Variants in CACHD1 observed in about 807,000 individuals in gnomAD.
CACHD1 encodes the protein cache domain containing 1, also known as VWFA and cache domain-containing protein 1.
Under a neutral mutation model 138.7 loss-of-function variants are expected in CACHD1, and 71 were observed. The ratio of observed to expected loss-of-function variants is 0.51; its 90% CI spans 0.42 to 0.62. CACHD1 has a LOEUF of 0.62. CACHD1 is among the 20% of genes least tolerant of loss of function. The pLI is 0.00. For missense variants in CACHD1, 1,389 were observed against 1,625.3 expected (o/e 0.85, Z 2.50); for synonymous variants, 578 against 591.5 (o/e 0.98, Z 0.33).
At chr1:64,554,920 G>A (rs901475833) in intron 2 of CACHD1, among the ~76,000 whole-genome samples, 2 of 152,152 alleles carry the variant, frequency 1.3e-5, no homozygotes, top group Non-Finnish European at 2.9e-5. Context: ...TTGCTGTGCA[G>A]ATTTATGATT....
chr1:64,581,748 C>G (rs186289065), intron 2 of CACHD1, among the ~76,000 whole-genome samples: 1 of 152,268 alleles, frequency 6.6e-6, no homozygotes, highest in East Asian at 1.9e-4. Context: ...AACCGTGAAC[C>G]CAGAACCACA....
chr1:64,620,965 C>T (rs565749976), intron 4 of CACHD1, among the ~76,000 whole-genome samples: 1 of 152,100 alleles, frequency 6.6e-6, no homozygotes, highest in South Asian at 2.1e-4. Context: ...ACTACACAGT[C>T]TTTAGTGGGA....
chr1:64,540,501 CTAAT>C (rs1196189783), intron 1 of CACHD1, among the ~76,000 whole-genome samples: 1 of 152,128 alleles, frequency 6.6e-6, no homozygotes, highest in African/African-American at 2.4e-5. Flanking sequence ...ACATGTGGAA[CTAAT>C]TTATTTGACA....
intron 13 of CACHD1, among the ~76,000 whole-genome samples, chr1:64,660,520 CT>C (rs1043677195): frequency 1.2e-3 from 176 of 143,162 alleles, no homozygotes; most frequent in African/African-American, 1.2e-3. Context: ...TTTTGCTTTG[CT>C]TTTTTTTTTT....
chr1:64,661,150 A>G (rs1649428850), intron 13 of CACHD1, among the ~76,000 whole-genome samples: 1 of 152,150 alleles, frequency 6.6e-6, no homozygotes, highest in African/African-American at 2.4e-5. Context: ...GAAATATGGG[A>G]AGCAATGGCA....
chr1:64,495,792 T>G (rs2100308621), intron 1 of CACHD1, among the ~76,000 whole-genome samples: 1 of 152,298 alleles, frequency 6.6e-6, no homozygotes, highest in African/African-American at 2.4e-5. Context: ...AGCCTACTTT[T>G]TTTTCTTCTT....
rs147746836 is a variant in CACHD1, at chr1:64,559,008, G to A, written c.261+8352G>A. Among the ~76,000 whole-genome samples, 331 of 152,274 alleles carry A rather than the reference G, an allele frequency of 2.2e-3. 1 individual carries two copies. The highest frequency in any genetic ancestry group is 7.3e-3 in the African/African-American group (303 of 41,544). On this transcript the variant is annotated intron_variant, in intron 2 of 26. Transcript: ENST00000651257. ...AAGCCAAAAATTAACAGATGCTGGC[G>A]AGGTTGCAGAGAAAAGGGAACACTA...
At chr1:64,580,967 T>C (rs1379868900) in intron 2 of CACHD1, among the ~76,000 whole-genome samples, 1 of 152,226 alleles carries the variant, frequency 6.6e-6, no homozygotes, top group African/African-American at 2.4e-5. Flanking sequence ...GTGAGTCATT[T>C]TGTACATTTC....
chr1:64,597,084 TG>T (rs948698504), intron 3 of CACHD1, among the ~76,000 whole-genome samples: 10 of 151,380 alleles, frequency 6.6e-5, no homozygotes, highest in African/African-American at 1.5e-4. Context: ...GGTGTGTGAG[TG>T]GGGGGGTGCT....
intron 1 of CACHD1, among the ~76,000 whole-genome samples, chr1:64,526,943 G>A (rs572360289): frequency 4.4e-4 from 67 of 152,316 alleles, no homozygotes; most frequent in African/African-American, 1.6e-3. Flanking sequence ...TCTAGCCAGA[G>A]GGTCATGAAA....
rs1292067249 is a variant in CACHD1 at position 64,484,277 on chromosome 1, G to A, written c.198+13335G>A. 2.0e-5 allele frequency among the ~76,000 whole-genome samples: 3 copies of A among 152,110 alleles called. No homozygotes were observed. In the East Asian group the frequency reaches 5.8e-4, roughly 29 times the overall value. ...ACCAATCAACGGAGAGGTTGGGAGG[G>A]GACTTGGCAGAAGGAGGAGGAGCCA... On this transcript the variant is annotated intron_variant, in intron 1 of 26. Coordinates refer to ENST00000651257, the MANE Select transcript of CACHD1 (RefSeq NM_020925.4).
At position 64,664,657 on chromosome 1, in the gene CACHD1, T is replaced by C. The variant is rs1174689818; in HGVS notation, c.2254T>C (p.Phe752Leu). The change falls in exon 15 of 27, where the codon TTT becomes CTT. Residue 752 changes from phenylalanine to leucine, a missense_variant. This residue lies in a region of CACHD1 where 1,000 missense variants were observed against 1,114.7 expected (regional missense o/e 0.90). Coordinates refer to ENST00000651257, the MANE Select transcript of CACHD1 (RefSeq NM_020925.4). ...IYPGSLMDKA[F>L]DPTRRQWYLH... ...TCCTGGTTCCCTCATGGACAAAGCATTTGATCCCACTAGGAGACAATGGTG... is the reference window on the plus strand; with the variant it reads ...TCCTGGTTCCCTCATGGACAAAGCACTTGATCCCACTAGGAGACAATGGTG... 6.2e-6 allele frequency: 10 copies of C among 1,614,036 alleles called. No individual in the cohort carries two copies. Among genetic ancestry groups the C allele is most frequent in the Non-Finnish European group, 8.5e-6 (10 of 1,180,022 alleles).
intron 1 of CACHD1, among the ~76,000 whole-genome samples, chr1:64,472,303 C>T (rs1423671702): frequency 6.7e-6 from 1 of 149,606 alleles, no homozygotes; most frequent in African/African-American, 2.6e-5. Context: ...CTTCCTTCCT[C>T]TTCTTTCCAC....
intron 26 of CACHD1, 103 bp downstream of exon 26, chr1:64,682,209 C>A: frequency 1.0e-6 from 1 of 962,944 alleles, no homozygotes; most frequent in Non-Finnish European, 1.6e-6. Context: ...AAAGACACAC[C>A]CCAGCATGCC....
chr1:64,485,739 C>T (rs1164725418), intron 1 of CACHD1, among the ~76,000 whole-genome samples: 1 of 152,046 alleles, frequency 6.6e-6, no homozygotes, highest in Non-Finnish European at 1.5e-5. Flanking sequence ...CACCATCATG[C>T]CTGGCTAATT....
Position 64,602,800 on chromosome 1 carries a change from T to C in CACHD1, c.411-6T>C, listed in dbSNP as rs1647234945. The stretch of plus-strand genomic sequence containing the variant: ...AAGTATTGCTAATTCTCTCCTATTG[T>C]TTCAGATTCGATGGGAACTTTAATA... On this transcript the variant is annotated splice_polypyrimidine_tract_variant and splice_region_variant and intron_variant, in intron 3 of 26. Coordinates refer to ENST00000651257, the MANE Select transcript of CACHD1 (RefSeq NM_020925.4). 2 of 1,596,946 alleles carry C rather than the reference T, an allele frequency of 1.3e-6. No homozygotes were observed. The highest frequency in any genetic ancestry group is 1.7e-6 in the Non-Finnish European group (2 of 1,164,616).
intron 12 of CACHD1, among the ~76,000 whole-genome samples, chr1:64,657,583 A>C (rs1382795561): frequency 1.3e-5 from 2 of 152,182 alleles, no homozygotes; most frequent in Non-Finnish European, 2.9e-5. Flanking sequence ...AAAAGGATTA[A>C]ATTTGTTAAT....
rs140581393 is a variant in CACHD1 at position 64,651,264 on chromosome 1, G to A, written c.1391-897G>A. Among the ~76,000 whole-genome samples, 952 of 152,178 alleles carry A rather than the reference G, an allele frequency of 6.3e-3. 6 individuals carry two copies. Among genetic ancestry groups the A allele is most frequent in the Middle Eastern group, 0.037 (11 of 294 alleles). On this transcript the variant is annotated intron_variant, in intron 9 of 26. Coordinates refer to ENST00000651257, the MANE Select transcript of CACHD1 (RefSeq NM_020925.4). ...ATAAAAATTTAGGAACTCCTGGCCC[G>A]AATGACTGGAAATACATTCCTTTGG...
At chr1:64,526,528 C>G (rs978117776) in intron 1 of CACHD1, among the ~76,000 whole-genome samples, 4 of 152,136 alleles carry the variant, frequency 2.6e-5, no homozygotes, top group Admixed American at 2.6e-4. Flanking sequence ...GGGCTGATTG[C>G]TCCATAACAG....
Sources: gnomAD v4.1 joint callset for allele counts (sites outside exome capture counted in the v4.1 genomes callset) on GRCh38, gnomAD v4.1.1 for gene constraint, gnomAD v4.1.1 regional missense constraint, MANE v1.5 for transcripts, NCBI Gene and HGNC (gene_info 2026-07-23, HGNC 2026-07-21) for gene names.